RARB: variants seen among roughly 807,000 people sequenced by gnomAD.
The protein encoded by RARB is retinoic acid receptor beta.
In RARB, 17 loss-of-function variants were observed where a neutral mutation model predicts 51.9. That is an observed-to-expected ratio of 0.33 (90% confidence interval 0.22 to 0.49). RARB has a LOEUF of 0.49. RARB is among the 20% of genes least tolerant of loss of function. The pLI, the probability that RARB is intolerant of heterozygous loss-of-function variation, is 0.99. For missense variants in RARB, 369 were observed against 550.8 expected (o/e 0.67, Z 3.30); for synonymous variants, 215 against 195.4 (o/e 1.10, Z -0.84).
intron 1 of RARB, among the ~76,000 whole-genome samples, chr3:25,445,299 A>G (rs1427398380): frequency 6.6e-6 from 1 of 152,180 alleles, no homozygotes; most frequent in Non-Finnish European, 1.5e-5. Flanking sequence ...TAAAATAAGC[A>G]TGACCAGTTC....
intron 2 of RARB, among the ~76,000 whole-genome samples, chr3:24,967,362 C>T (rs910848591): frequency 5.3e-5 from 8 of 152,150 alleles, no homozygotes; most frequent in Admixed American, 2.0e-4. Flanking sequence ...TTGCCCAAGC[C>T]TCTGTTTCCC....
chr3:25,384,608 C>T (rs765573857), intron 5 of RARB, among the ~76,000 whole-genome samples: 1 of 152,184 alleles, frequency 6.6e-6, no homozygotes, highest in Non-Finnish European at 1.5e-5. Flanking sequence ...GCAGGACTGG[C>T]TTCTCTTTCT....
At position 25,494,189 on chromosome 3, in the gene RARB, C is replaced by G. The variant is rs573451204; in HGVS notation, c.307-6993C>G. 3.4e-5 allele frequency among the ~76,000 whole-genome samples: 5 copies of G among 148,582 alleles called. No homozygotes were observed. In the South Asian group the frequency reaches 1.1e-3, roughly 32 times the overall value. On this transcript the variant is annotated intron_variant, in intron 2 of 7. Coordinates refer to ENST00000330688, the MANE Select transcript of RARB (RefSeq NM_000965.5). Reference sequence around the variant, plus strand: ...GAGTACAGTGTCTCTCTAGTAAACACTTTGCATGGCTTTAAGATCTTCCCC... The same window carrying G: ...GAGTACAGTGTCTCTCTAGTAAACAGTTTGCATGGCTTTAAGATCTTCCCC...
At chr3:25,438,244 C>G (rs1285396136) in intron 1 of RARB, among the ~76,000 whole-genome samples, 1 of 152,150 alleles carries the variant, frequency 6.6e-6, no homozygotes, top group Non-Finnish European at 1.5e-5. Flanking sequence ...AGCAGAGGCT[C>G]CCAGTCCTCT....
chr3:25,193,994 A>T (rs1701166748), intron 5 of RARB, among the ~76,000 whole-genome samples: 3 of 151,954 alleles, frequency 2.0e-5, no homozygotes, highest in African/African-American at 7.2e-5. Flanking sequence ...TAGCCAAGAT[A>T]CGGAAGCAGC....
intron 5 of RARB, among the ~76,000 whole-genome samples, chr3:25,302,895 C>T (rs1394443500): frequency 6.6e-6 from 1 of 152,144 alleles, no homozygotes; most frequent in Non-Finnish European, 1.5e-5. Flanking sequence ...GTGCTATTCC[C>T]CATTTGTCAC....
At chr3:24,991,450 A>AAAAAAAG (rs1304848856) in intron 2 of RARB, among the ~76,000 whole-genome samples, 2 of 146,558 alleles carry the variant, frequency 1.4e-5, no homozygotes, top group Non-Finnish European at 3.0e-5. Flanking sequence ...TCTCAAAAAA[A>AAAAAAAG]AAAGAAAAAG....
At chr3:25,010,705 C>CTTAG (rs1046829459) in intron 2 of RARB, among the ~76,000 whole-genome samples, 1 of 152,114 alleles carries the variant, frequency 6.6e-6, no homozygotes, top group Non-Finnish European at 1.5e-5. Context: ...CAAGGTGATG[C>CTTAG]TTAGGAAGGT....
At chr3:25,198,529 G>C (rs574208101) in intron 5 of RARB, among the ~76,000 whole-genome samples, 7 of 151,686 alleles carry the variant, frequency 4.6e-5, no homozygotes, top group Non-Finnish European at 8.8e-5. Flanking sequence ...CATCTGACAA[G>C]AATTAACCAG....
intron 5 of RARB, among the ~76,000 whole-genome samples, chr3:25,235,038 T>A (rs901539354): frequency 6.6e-6 from 1 of 152,142 alleles, no homozygotes; most frequent in Non-Finnish European, 1.5e-5. Context: ...CCTTTTTGGA[T>A]CTCTGGCCAG....
chr3:25,114,495 AG>A (rs1699654237), intron 3 of RARB, among the ~76,000 whole-genome samples: 1 of 152,212 alleles, frequency 6.6e-6, no homozygotes. Flanking sequence ...TTTGTGCTCC[AG>A]GATGTGTAAC....
chr3:25,402,661 G>T (rs1419372130), intron 5 of RARB, among the ~76,000 whole-genome samples: 1 of 152,180 alleles, frequency 6.6e-6, no homozygotes, highest in Non-Finnish European at 1.5e-5. Flanking sequence ...AACAACTTGG[G>T]TGGAACTGAA....
rs189878695 is a variant in RARB at position 25,511,195 on chromosome 3, C to T, written c.448+9872C>T. Among the ~76,000 whole-genome samples the T allele has an allele frequency of 2.4e-3, 368 of 152,086 alleles. 3 individuals carry two copies. The highest frequency in any genetic ancestry group is 8.4e-3 in the African/African-American group (349 of 41,458). Reference sequence around the variant, plus strand: ...TTGCCCAGGCTGGAGTGCAGTGGCACGATCTCGGCTCACTGCAAGCTCCGC... The same window carrying T: ...TTGCCCAGGCTGGAGTGCAGTGGCATGATCTCGGCTCACTGCAAGCTCCGC... On this transcript the variant is annotated intron_variant, in intron 3 of 7. Coordinates refer to ENST00000330688, the MANE Select transcript of RARB (RefSeq NM_000965.5).
intron 2 of RARB, among the ~76,000 whole-genome samples, chr3:24,945,696 G>C (rs1044242147): frequency 1.3e-5 from 2 of 152,220 alleles, no homozygotes; most frequent in Admixed American, 1.3e-4. Flanking sequence ...GATTGCTGAA[G>C]CATCTTTATA....
chr3:24,977,389 A>C (rs554328056), intron 2 of RARB, among the ~76,000 whole-genome samples: 4 of 152,328 alleles, frequency 2.6e-5, no homozygotes, highest in African/African-American at 9.6e-5. Context: ...CTTCCTACCC[A>C]TGAGCGTGGA....
chr3:24,910,413 A>T (rs551660708), intron 2 of RARB, among the ~76,000 whole-genome samples: 5 of 152,338 alleles, frequency 3.3e-5, no homozygotes, highest in Admixed American at 3.3e-4. Context: ...AGGTAAATAA[A>T]CACAAAATAA....
At position 24,834,482 on chromosome 3, in the gene RARB, T is replaced by G. The variant is rs148147468; in HGVS notation, c.-459+5079T>G. Among the ~76,000 whole-genome samples, 882 of 152,282 alleles carry G rather than the reference T, an allele frequency of 5.8e-3. 7 individuals are homozygous for G. The highest frequency in any genetic ancestry group is 0.019 in the African/African-American group (806 of 41,560). ...AAGCAAAATATTTGAGTGAGAAGTA[T>G]CATCAATGTCAACCCCAGAACTGTT... On this transcript the variant is annotated intron_variant, in intron 1 of 11. Coordinates refer to the RARB transcript ENST00000383772.
At chr3:25,085,100 A>G (rs542682235) in intron 3 of RARB, among the ~76,000 whole-genome samples, 1 of 152,298 alleles carries the variant, frequency 6.6e-6, no homozygotes, top group Middle Eastern at 3.4e-3. Context: ...CATCATTCCA[A>G]AAGCAGAATA....
At position 25,295,024 on chromosome 3, in the gene RARB, T is replaced by A. The variant is rs554816928; in HGVS notation, c.178+120449T>A. On this transcript the variant is annotated intron_variant, in intron 5 of 11. Coordinates refer to the RARB transcript ENST00000383772. ...TGCTTTTTTCTCGAAAGACAATCTG[T>A]CCATTTTCCCAAAAGAGTAATATGT... Among the ~76,000 whole-genome samples, 4 of 152,276 alleles carry A rather than the reference T, an allele frequency of 2.6e-5. No individual in the cohort carries two copies. The East Asian group carries it at 5.8e-4, about 22-fold the overall frequency.
Sources: gnomAD v4.1 joint callset for allele counts (sites outside exome capture counted in the v4.1 genomes callset) on GRCh38, gnomAD v4.1.1 for gene constraint, MANE v1.5 for transcripts, NCBI Gene and HGNC (gene_info 2026-07-23, HGNC 2026-07-21) for gene names.